Variants in NLRP2 observed in about 807,000 individuals in gnomAD.
NLRP2 encodes NACHT, LRR and PYD domains-containing protein 2.
A neutral mutation model predicts 97.2 loss-of-function variants in NLRP2; 107 were observed. The ratio of observed to expected loss-of-function variants is 1.10; its 90% CI spans 0.94 to 1.29. The LOEUF (loss-of-function observed/expected upper bound fraction) is 1.29. Ranked by LOEUF, NLRP2 falls within the 50% of genes most tolerant of loss-of-function variation. NLRP2 has a pLI of 0.00. For synonymous variants in NLRP2, 663 were observed against 551.5 expected (o/e 1.20, Z -2.83); for missense variants, 1,495 against 1,330.3 (o/e 1.12, Z -1.93).
chr19:54,992,165 G>A (rs2072517850), intron 10 of NLRP2, among the ~76,000 whole-genome samples: 1 of 151,814 alleles, frequency 6.6e-6, no homozygotes, highest in South Asian at 2.1e-4. Context: ...GCCCGCCTCA[G>A]CCTTCCAAAG....
At chr19:54,986,914 T>TCAA (rs2072131365) in intron 8 of NLRP2, among the ~76,000 whole-genome samples, 1 of 151,964 alleles carries the variant, frequency 6.6e-6, no homozygotes, top group South Asian at 2.1e-4. Flanking sequence ...AGATGGAGTC[T>TCAA]CGCTCTGTCA....
intron 12 of NLRP2, among the ~76,000 whole-genome samples, chr19:54,999,042 A>ACCCCCCTAACCTCCCTCCCGGACG (rs1337867779): frequency 7.3e-6 from 1 of 136,102 alleles, no homozygotes; most frequent in Non-Finnish European, 1.6e-5. Flanking sequence ...CCTCCCGGAC[A>ACCCCCCTAACCTCCCTCCCGGACG]GGGCGGCTGG....
Position 54,990,139 on chromosome 19 carries a change from T to G in NLRP2, c.2484T>G (p.Ala828=). The G allele has an allele frequency of 6.2e-7, 1 of 1,614,222 alleles. No homozygotes were observed. Among genetic ancestry groups the G allele is most frequent in the African/African-American group, 1.3e-5 (1 of 75,062 alleles). The change falls in exon 9 of 13, where the codon GCT becomes GCG. Residue 828 remains alanine, a synonymous_variant. Coordinates refer to ENST00000448584, the MANE Select transcript of NLRP2 (RefSeq NM_017852.5). The part of the protein sequence containing the change: ...LSDNELLDEG[A]KLLYTTLRHP... ...ACAATGAGCTTCTGGATGAGGGTGC[T>G]AAGTTGCTGTACACAACTTTGAGAC...
In NLRP2 at chr19:54,983,578, A is replaced by C; in HGVS notation, c.1880A>C (p.Glu627Ala). ...LVKEVMAQFK[E>A]ISLHLNAVDV... is the part of the protein sequence containing the mutation. The stretch of plus-strand genomic sequence containing the variant: ...AAGGAGGTGATGGCTCAGTTCAAAG[A>C]AATATCCCTGCACTTAAATGCAGTA... The change falls in exon 6 of 13, where the codon GAA (glutamate) becomes GCA (alanine). Residue 627 changes from glutamate (E) to alanine (A), a missense_variant. Coordinates refer to ENST00000448584, the MANE Select transcript of NLRP2 (RefSeq NM_017852.5). 1 of 1,614,144 alleles carries C rather than the reference A, an allele frequency of 6.2e-7. No homozygotes were observed. The highest frequency in any genetic ancestry group is 8.5e-7 in the Non-Finnish European group (1 of 1,180,006).
rs1226884053 is a variant in NLRP2, at chr19:54,983,394, G to C, written c.1696G>C (p.Ala566Pro). The C allele has an allele frequency of 2.5e-6, 4 of 1,614,230 alleles. No individual in the cohort carries two copies. The Admixed American group carries it at 6.7e-5, about 27-fold the overall frequency. The part of the protein sequence containing the change: ...YSFGLANEKR[A>P]KELEATFGCR... ...CTTTGGCCTCGCTAACGAGAAGAGA[G>C]CCAAGGAGTTGGAGGCCACTTTTGG... The change falls in exon 6 of 13, where the codon GCC becomes CCC. Residue 566 changes from alanine (A) to proline (P), a missense_variant. Coordinates refer to ENST00000448584, the MANE Select transcript of NLRP2 (RefSeq NM_017852.5).
intron 11 of NLRP2, among the ~76,000 whole-genome samples, chr19:54,996,713 T>A (rs1176778889): frequency 6.7e-6 from 1 of 150,292 alleles, no homozygotes. Flanking sequence ...CAGTCACATG[T>A]ATCTTCAGGG....
chr19:54,980,590 A>G (rs993101681), intron 4 of NLRP2, among the ~76,000 whole-genome samples: 2 of 152,256 alleles, frequency 1.3e-5, no homozygotes, highest in Non-Finnish European at 2.9e-5. Flanking sequence ...CCCAGCGGGC[A>G]GGTTGTCATG....
intron 2 of NLRP2, among the ~76,000 whole-genome samples, chr19:54,973,351 T>G (rs1354779661): frequency 1.3e-4 from 19 of 144,122 alleles, no homozygotes; most frequent in Non-Finnish European, 2.5e-4. Flanking sequence ...AGGGTTTTTT[T>G]TTTTTTTTTT....
chr19:54,994,017 A>G, intron 10 of NLRP2: 1 of 581,376 alleles, frequency 1.7e-6, no homozygotes, highest in Non-Finnish European at 3.1e-6. Flanking sequence ...ACCCAAATAA[A>G]CCAGGATATA....
At chr19:54,986,572 A>G (rs1049788852) in intron 8 of NLRP2, among the ~76,000 whole-genome samples, 8 of 105,280 alleles carry the variant, frequency 7.6e-5, no homozygotes, top group African/African-American at 2.7e-4. Context: ...TTTTTTTTTT[A>G]TGAAGTCTTG....
intron 11 of NLRP2, 76 bp from the exon 12 acceptor site, chr19:54,997,241 G>C: frequency 6.8e-6 from 10 of 1,464,080 alleles, no homozygotes; most frequent in Non-Finnish European, 9.6e-6. Flanking sequence ...CCCAACACAC[G>C]AGGGTGGGCT....
chr19:54,998,418 G>T lies in NLRP2; in HGVS notation c.3050+931G>T, dbSNP rs563655362. On this transcript the variant is annotated intron_variant, in intron 12 of 12. Coordinates refer to ENST00000448584, the MANE Select transcript of NLRP2 (RefSeq NM_017852.5). ...TCACAAGCAATATACTCTACTGCTG[G>T]CTTAAAATAATCTTTATGTAGAAGA... 5.9e-5 allele frequency among the ~76,000 whole-genome samples: 9 copies of T among 152,074 alleles called. No individual in the cohort carries two copies. The South Asian group carries it at 1.2e-3, about 21-fold the overall frequency.
chr19:54,984,617 G>C (rs2071926449), intron 6 of NLRP2, among the ~76,000 whole-genome samples: 1 of 149,612 alleles, frequency 6.7e-6, no homozygotes, highest in Non-Finnish European at 1.5e-5. Flanking sequence ...TGAGTAGCTG[G>C]GATTACAGCC....
chr19:54,983,728 G>A lies in NLRP2; in HGVS notation c.2030G>A (p.Arg677Lys). Residue 677 changes from arginine to lysine, a missense_variant and splice_region_variant, in exon 6 of 13, where the codon AGA becomes AAA. Transcript: ENST00000448584. ...TCTGAATCAGACGCCGAGGTTGAGA[G>A]GTGAGAACCGTTTCACTCTACCAGT... ...TASESDAEVE[R>K]SQDDQHMLPF... is the part of the protein sequence containing the mutation. The A allele has an allele frequency of 6.2e-7, 1 of 1,609,560 alleles. No homozygotes were observed.
chr19:54,999,087 C>CGGCT (rs2073035653), intron 12 of NLRP2, among the ~76,000 whole-genome samples: 3 of 148,558 alleles, frequency 2.0e-5, no homozygotes, highest in Non-Finnish European at 4.5e-5. Flanking sequence ...CCATTAGGGG[C>CGGCT]GGCCGGGCAG....
At chr19:54,970,766 ACTT>A (rs1377066362) in intron 2 of NLRP2, among the ~76,000 whole-genome samples, 6 of 78,606 alleles carry the variant, frequency 7.6e-5, no homozygotes, top group Non-Finnish European at 1.7e-4. Flanking sequence ...TTTTCTACCT[ACTT>A]CTTTTTTTTT....
chr19:54,968,008 T>C (rs1238347444), intron 1 of NLRP2, among the ~76,000 whole-genome samples: 1 of 147,578 alleles, frequency 6.8e-6, no homozygotes, highest in Non-Finnish European at 1.5e-5. Flanking sequence ...AACTTCCACC[T>C]CCCAGGTTCA....
At chr19:54,992,779 G>A (rs1050219651) in intron 10 of NLRP2, among the ~76,000 whole-genome samples, 7 of 151,654 alleles carry the variant, frequency 4.6e-5, no homozygotes, top group East Asian at 3.9e-4. Context: ...AGCTGGTCTC[G>A]AATTCCTGAC....
chr19:54,988,840 C>G (rs2072269360), intron 8 of NLRP2, among the ~76,000 whole-genome samples: 1 of 151,070 alleles, frequency 6.6e-6, no homozygotes, highest in South Asian at 2.2e-4. Context: ...TGAATTTATT[C>G]TAACACATTT....
Sources: allele counts gnomAD v4.1 joint callset (sites outside exome capture counted in the v4.1 genomes callset), GRCh38; gene constraint gnomAD v4.1.1; transcripts MANE v1.5; gene names NCBI Gene and HGNC (gene_info 2026-07-23, HGNC 2026-07-21).